The following NEDD9 variants were observed in gnomAD, a reference collection of about 807,000 sequenced individuals.
The protein encoded by NEDD9 is enhancer of filamentation 1.
NEDD9 carries 26 observed loss-of-function variants against 76.6 expected under a neutral mutation model. That is an observed-to-expected ratio of 0.34 (90% confidence interval 0.25 to 0.47). The LOEUF is 0.47. NEDD9 is among the 20% of genes least tolerant of loss of function. The pLI is 1.00. For missense variants in NEDD9, 937 were observed against 1,058.5 expected (o/e 0.89, Z 1.59); for synonymous variants, 392 against 414.2 (o/e 0.95, Z 0.65).
At chr6:11,199,292 T>C (rs971541820) in intron 2 of NEDD9, 23 of 152,190 alleles carry the variant, frequency 1.5e-4, no homozygotes, top group Non-Finnish European at 8.8e-5. Flanking sequence ...AGGGAAGTAA[T>C]TGACAAACAG....
At chr6:11,261,222 C>T (rs995151596) in intron 3 of NEDD9, among the ~76,000 whole-genome samples, 4 of 152,076 alleles carry the variant, frequency 2.6e-5, no homozygotes, top group African/African-American at 7.2e-5. Context: ...GATTATCAAG[C>T]GTTTTCACAT....
rs546722182 is a variant in NEDD9 at position 11,334,112 on chromosome 6, C to T, written c.-153+389G>A. On this transcript the variant is annotated intron_variant, in intron 2 of 3. Transcript: ENST00000397378. ...AGCTAAATAAATATAGCACATCAAT[C>T]AAAAATCAAGTTCTATAAAGTTACT... Among the ~76,000 whole-genome samples the T allele has an allele frequency of 2.6e-5, 4 of 152,108 alleles. No individual in the cohort carries two copies. The South Asian group carries it at 8.3e-4, about 32-fold the overall frequency.
At chr6:11,305,016 T>A (rs1247831850) in intron 3 of NEDD9, 3 of 1,175,960 alleles carry the variant, frequency 2.6e-6, no homozygotes, top group Non-Finnish European at 3.3e-6. Context: ...AGGGAAATCC[T>A]TTTGTTACTT....
intron 1 of NEDD9, among the ~76,000 whole-genome samples, chr6:11,215,307 C>T (rs577470202): frequency 6.6e-6 from 1 of 152,214 alleles, no homozygotes; most frequent in East Asian, 1.9e-4. Context: ...AAGTGTGAGA[C>T]ACAGAGAGGT....
chr6:11,194,742 C>T (rs1489605221), intron 2 of NEDD9, among the ~76,000 whole-genome samples: 2 of 152,194 alleles, frequency 1.3e-5, no homozygotes, highest in Non-Finnish European at 2.9e-5. Context: ...GCGTTCATCA[C>T]GATGCTGGCA....
chr6:11,206,945 T>G (rs1758634525), intron 2 of NEDD9, among the ~76,000 whole-genome samples: 2 of 152,252 alleles, frequency 1.3e-5, no homozygotes, highest in Admixed American at 1.3e-4. Context: ...GTTCTCTGCA[T>G]AGCCCCAAAA....
In NEDD9 at chr6:11,191,208, G is replaced by C. The variant is rs1206220020; in HGVS notation, c.664-3C>G. ...GCAGAGGGCGGAATGGCATATACCTGCAAAGCAAGTAGAAAGCGAAATGCT... is the reference window on the plus strand; with the variant it reads ...GCAGAGGGCGGAATGGCATATACCTCCAAAGCAAGTAGAAAGCGAAATGCT... On this transcript the variant is annotated splice_region_variant and splice_polypyrimidine_tract_variant and intron_variant, in intron 4 of 6. Transcript: ENST00000379446. 1.3e-6 allele frequency: 2 copies of C among 1,576,684 alleles called. No homozygotes were observed. The highest frequency in any genetic ancestry group is 3.7e-5 in the Admixed American group (2 of 54,460).
intron 3 of NEDD9, chr6:11,249,214 C>T (rs984004220): frequency 6.6e-6 from 3 of 455,380 alleles, no homozygotes; most frequent in Non-Finnish European, 1.3e-5. Context: ...CAGTTGAAGG[C>T]CTAAATAAAA....
At chr6:11,377,969 G>A (rs181930706) in intron 1 of NEDD9, among the ~76,000 whole-genome samples, 15 of 152,260 alleles carry the variant, frequency 9.9e-5, no homozygotes, top group African/African-American at 2.4e-4. Flanking sequence ...TAGGCCAGGC[G>A]CAGTGGCTCA....
At chr6:11,373,153 T>G (rs56136859) in intron 1 of NEDD9, among the ~76,000 whole-genome samples, 1 of 147,134 alleles carries the variant, frequency 6.8e-6, no homozygotes, top group South Asian at 2.1e-4. Context: ...CCATAAAAAT[T>G]AAAAAAAAAA....
intron 3 of NEDD9, among the ~76,000 whole-genome samples, chr6:11,260,620 A>G (rs1760089145): frequency 1.3e-5 from 2 of 152,222 alleles, no homozygotes; most frequent in Admixed American, 1.3e-4. Context: ...CTGGGCATTG[A>G]GTGAATGGGC....
intron 3 of NEDD9, among the ~76,000 whole-genome samples, chr6:11,299,398 T>A (rs1760983293): frequency 6.6e-6 from 1 of 152,212 alleles, no homozygotes; most frequent in Non-Finnish European, 1.5e-5. Context: ...GGCCTACTAC[T>A]TCTACAGATT....
rs1470026521 is a variant in NEDD9 at position 11,213,101 on chromosome 6, G to A, written c.459+180C>T. Reference sequence around the variant, plus strand: ...ACTCAGCACATGGTAGTTCAAAGAAGTTTTGCTGAATGATGGATGAATGGC... The same window carrying A: ...ACTCAGCACATGGTAGTTCAAAGAAATTTTGCTGAATGATGGATGAATGGC... On this transcript the variant is annotated intron_variant, in intron 2 of 6. Coordinates refer to ENST00000379446, the MANE Select transcript of NEDD9 (RefSeq NM_006403.4). This position sits in a 1 kb window ranked among gnomAD's most constrained non-coding sequence, Gnocchi z 5.4. Among the ~76,000 whole-genome samples the A allele has an allele frequency of 1.3e-5, 2 of 152,210 alleles. No homozygotes were observed. Among genetic ancestry groups the A allele is most frequent in the Non-Finnish European group, 2.9e-5 (2 of 68,044 alleles).
intron 1 of NEDD9, among the ~76,000 whole-genome samples, chr6:11,342,575 T>C (rs1313421894): frequency 6.6e-6 from 1 of 152,168 alleles, no homozygotes; most frequent in African/African-American, 2.4e-5. Context: ...TGAATAAAAA[T>C]AGTCTTCAAA....
intron 3 of NEDD9, among the ~76,000 whole-genome samples, chr6:11,302,130 AAAAAG>A (rs1761063246): frequency 1.3e-5 from 2 of 152,184 alleles, no homozygotes; most frequent in Non-Finnish European, 2.9e-5. Flanking sequence ...AAGACCAATA[AAAAAG>A]AAAAGAGAGA....
chr6:11,323,936 A>T (rs1001712230), intron 2 of NEDD9, among the ~76,000 whole-genome samples: 3 of 152,214 alleles, frequency 2.0e-5, no homozygotes, highest in Admixed American at 2.0e-4. Flanking sequence ...GTGGCTCTCT[A>T]CAGGGCAGCG....
At chr6:11,188,633 C>A (rs574186740) in intron 5 of NEDD9, among the ~76,000 whole-genome samples, 5 of 152,248 alleles carry the variant, frequency 3.3e-5, no homozygotes, top group African/African-American at 1.2e-4. Context: ...CCCCCAAATG[C>A]AGGTCTAAAT....
chr6:11,247,386 C>T (rs1406571924), intron 3 of NEDD9, among the ~76,000 whole-genome samples: 1 of 152,148 alleles, frequency 6.6e-6, no homozygotes, highest in Non-Finnish European at 1.5e-5. Flanking sequence ...AACACTTGAC[C>T]TTAGAAGTAG....
chr6:11,373,526 T>C (rs1005900279), intron 1 of NEDD9, among the ~76,000 whole-genome samples: 3 of 152,206 alleles, frequency 2.0e-5, no homozygotes, highest in African/African-American at 7.2e-5. Context: ...TACTCAAACC[T>C]CCACCCTTCC....
Sources: allele counts gnomAD v4.1 joint callset (sites outside exome capture counted in the v4.1 genomes callset), GRCh38; gene constraint gnomAD v4.1.1; non-coding constraint Gnocchi (gnomAD v3.1); transcripts MANE v1.5; gene names NCBI Gene and HGNC (gene_info 2026-07-23, HGNC 2026-07-21).